The following LRRIQ1 variants were observed in gnomAD, a reference collection of about 807,000 sequenced individuals.
LRRIQ1 encodes leucine-rich repeat- and IQ domain-containing protein 1.
A neutral mutation model predicts 211.9 loss-of-function variants in LRRIQ1; 210 were observed. That is an observed-to-expected ratio of 0.99 (90% CI 0.89 to 1.11). LRRIQ1 has a LOEUF of 1.11. Among genes scored for constraint, LRRIQ1 ranks in the 50% most tolerant of loss-of-function variants. LRRIQ1 has a pLI of 0.00. For missense variants in LRRIQ1, 2,136 were observed against 1,939.5 expected (o/e 1.10, Z -1.90); for synonymous variants, 699 against 650.1 (o/e 1.08, Z -1.14).
chr12:85,134,861 C>T (rs1220887187), intron 18 of LRRIQ1, among the ~76,000 whole-genome samples: 2 of 151,952 alleles, frequency 1.3e-5, no homozygotes, highest in African/African-American at 4.8e-5. Flanking sequence ...TCTTTTAAAA[C>T]CCATTCACAT....
intron 24 of LRRIQ1, among the ~76,000 whole-genome samples, chr12:85,192,001 A>C (rs1892536827): frequency 6.6e-6 from 1 of 151,848 alleles, no homozygotes; most frequent in South Asian, 2.1e-4. Flanking sequence ...AATTTGTTTT[A>C]AGTATTTTAC....
At chr12:85,212,574 T>C (rs2137075882) in intron 24 of LRRIQ1, among the ~76,000 whole-genome samples, 1 of 151,864 alleles carries the variant, frequency 6.6e-6, no homozygotes, top group African/African-American at 2.4e-5. Flanking sequence ...ATGTTACATG[T>C]AAGGAACACA....
At chr12:85,072,815 C>T in intron 10 of LRRIQ1, 92 bp from the exon 11 acceptor site, 12 of 742,474 alleles carry the variant, frequency 1.6e-5, no homozygotes, top group South Asian at 6.2e-5. Context: ...TTTTTTGCTC[C>T]AGGTTTAAAT....
chr12:85,191,735 C>T (rs1391056354), intron 24 of LRRIQ1, among the ~76,000 whole-genome samples: 2 of 151,964 alleles, frequency 1.3e-5, no homozygotes, highest in African/African-American at 4.8e-5. Context: ...AAATGGCCAA[C>T]GTGACTGTAC....
intron 24 of LRRIQ1, among the ~76,000 whole-genome samples, chr12:85,222,371 A>G (rs1259346437): frequency 1.3e-5 from 2 of 152,134 alleles, no homozygotes; most frequent in Non-Finnish European, 2.9e-5. Flanking sequence ...GGGCCCTTGG[A>G]AGAGACTGGG....
intron 26 of LRRIQ1, among the ~76,000 whole-genome samples, chr12:85,237,647 G>A (rs1479319758): frequency 6.6e-6 from 1 of 152,104 alleles, no homozygotes; most frequent in African/African-American, 2.4e-5. Flanking sequence ...CAGACATTTA[G>A]TTAAGACCAT....
Position 85,197,963 on chromosome 12 carries a change from T to A in LRRIQ1, c.4823-31554T>A, listed in dbSNP as rs1390495661. Among the ~76,000 whole-genome samples the A allele has an allele frequency of 6.5e-5, 7 of 107,594 alleles. No homozygotes were observed. The South Asian group carries it at 1.6e-3, about 25-fold the overall frequency. The allele number at this position is 107,594 out of a possible 152,430, so 70.6% of individuals were successfully genotyped here. On this transcript the variant is annotated intron_variant, in intron 24 of 26. Coordinates refer to ENST00000393217, the MANE Select transcript of LRRIQ1 (RefSeq NM_001079910.2). ...TATATTTATATATAATTATATATTA[T>A]ATATAAATATATATAATTATATTAT...
chr12:85,153,304 G>A (rs1195292481), intron 21 of LRRIQ1, among the ~76,000 whole-genome samples, 159 bp downstream of exon 21: 1 of 151,464 alleles, frequency 6.6e-6, no homozygotes, highest in African/African-American at 2.4e-5. Context: ...AGTTTTCAGT[G>A]TAAGGAAAAT....
chr12:85,204,889 G>A (rs887863505), intron 24 of LRRIQ1, among the ~76,000 whole-genome samples: 5 of 152,116 alleles, frequency 3.3e-5, no homozygotes, highest in African/African-American at 1.2e-4. Flanking sequence ...GGCATGATTA[G>A]TTTTGAAATT....
chr12:85,263,026 G>A, exon 2 of LRRIQ1: 1 of 987,956 alleles, frequency 1.0e-6, no homozygotes, highest in Non-Finnish European at 1.2e-6. Context: ...GGTGGATGGG[G>A]AAGTGGCAAA....
At chr12:85,104,439 C>G (rs911940425) in intron 14 of LRRIQ1, among the ~76,000 whole-genome samples, 9 of 151,958 alleles carry the variant, frequency 5.9e-5, no homozygotes, top group Admixed American at 3.3e-4. Context: ...TTGACTCCTT[C>G]CTTTCTTCAA....
chr12:85,086,143 G>T (rs1044526359), intron 11 of LRRIQ1, among the ~76,000 whole-genome samples: 2 of 152,058 alleles, frequency 1.3e-5, no homozygotes, highest in Non-Finnish European at 2.9e-5. Context: ...AGTGTGAGAT[G>T]GTATATCATT....
intron 18 of LRRIQ1, among the ~76,000 whole-genome samples, chr12:85,133,005 T>C (rs1157678540): frequency 1.3e-5 from 2 of 152,022 alleles, no homozygotes; most frequent in Non-Finnish European, 2.9e-5. Flanking sequence ...ATTAATCAAC[T>C]GTATTTTTTA....
chr12:85,123,167 T>C (rs936457275), intron 16 of LRRIQ1, among the ~76,000 whole-genome samples: 2 of 152,062 alleles, frequency 1.3e-5, no homozygotes, highest in East Asian at 1.9e-4. Context: ...GATGAGCCTA[T>C]GCTAATGTCT....
At chr12:85,139,620 A>G (rs940096018) in intron 19 of LRRIQ1, among the ~76,000 whole-genome samples, 1 of 151,424 alleles carries the variant, frequency 6.6e-6, no homozygotes, top group African/African-American at 2.4e-5. Flanking sequence ...ATTTACTGAA[A>G]GTCTCCAAAT....
At chr12:85,193,322 C>T (rs1464365284) in intron 24 of LRRIQ1, among the ~76,000 whole-genome samples, 11 of 115,596 alleles carry the variant, frequency 9.5e-5, no homozygotes, top group South Asian at 2.7e-4. Flanking sequence ...ATACAGAGAA[C>T]GCCACAAAGA....
intron 7 of LRRIQ1, among the ~76,000 whole-genome samples, chr12:85,052,801 A>C (rs1220607642): frequency 6.6e-6 from 1 of 152,126 alleles, no homozygotes; most frequent in Non-Finnish European, 1.5e-5. Flanking sequence ...TCTACTACAC[A>C]TTGTCAAATT....
chr12:85,125,846 G>A (rs1003243325), intron 17 of LRRIQ1, among the ~76,000 whole-genome samples: 1 of 152,006 alleles, frequency 6.6e-6, no homozygotes, highest in African/African-American at 2.4e-5. Context: ...AAATAAAATA[G>A]CCAAATGATG....
rs758354917 is a variant in LRRIQ1, at chr12:85,073,067, T to C, written c.2856T>C (p.Cys952=). The C allele has an allele frequency of 1.2e-6, 2 of 1,608,010 alleles. No individual in the cohort carries two copies. The highest frequency in any genetic ancestry group is 1.1e-5 in the South Asian group (1 of 90,444). The stretch of plus-strand genomic sequence containing the variant: ...CCTCACTTACAAAAAATTCAGATTG[T>C]AATTTCCTTATCTCCCACTTATACT... ...PITSLTKNSD[C]NFLISHLYWN... is the part of the protein sequence containing the mutation. The change falls in exon 11 of 27, where the codon TGT becomes TGC. Residue 952 remains cysteine, a synonymous_variant. Transcript: ENST00000393217.
Sources: allele counts gnomAD v4.1 joint callset (sites outside exome capture counted in the v4.1 genomes callset), GRCh38; gene constraint gnomAD v4.1.1; transcripts MANE v1.5; gene names NCBI Gene and HGNC (gene_info 2026-07-23, HGNC 2026-07-21).